The following NUMA1 variants were observed in gnomAD, a reference collection of about 807,000 sequenced individuals.
NUMA1 encodes nuclear mitotic apparatus protein 1, also known as SP-H antigen.
A neutral mutation model predicts 237.1 loss-of-function variants in NUMA1; 62 were observed. The ratio of observed to expected loss-of-function variants is 0.26; its 90% CI spans 0.21 to 0.32. The LOEUF is 0.32. NUMA1 is among the 10% of genes least tolerant of loss of function. The pLI is 1.00. For missense variants in NUMA1, 2,533 were observed against 2,666.5 expected, an observed-to-expected ratio of 0.95 and a Z score of 1.10; for synonymous variants, 1,028 against 1,066.1, an observed-to-expected ratio of 0.96 and a Z score of 0.70.
chr11:72,066,543 G>C (rs1273598373), intron 2 of NUMA1: 1 of 152,116 alleles, frequency 6.6e-6, no homozygotes. Context: ...CATTTTCCAA[G>C]CTGTGTGCCT....
Position 72,009,060 on chromosome 11 carries a change from C to G in NUMA1, c.4965G>C (p.Leu1655=), listed in dbSNP as rs1461946810. The change falls in exon 19 of 27, where the codon CTG becomes CTC. Residue 1655 remains leucine, a synonymous_variant. Coordinates refer to ENST00000393695, the MANE Select transcript of NUMA1 (RefSeq NM_006185.4). The stretch of plus-strand genomic sequence containing the variant: ...GCCCAGCCTGCTGTAGCTCATGGCC[C>G]AGCCGTTCAGCTTCAGCTCGCAGCT... ...NKELRAEAER[L]GHELQQAGLK... 6.2e-7 allele frequency: 1 copy of G among 1,613,792 alleles called. No individual in the cohort carries two copies. Among genetic ancestry groups the G allele is most frequent in the Non-Finnish European group, 8.5e-7 (1 of 1,180,036 alleles).
At chr11:72,058,304 T>C (rs1428058845) in intron 2 of NUMA1, among the ~76,000 whole-genome samples, 1 of 152,170 alleles carries the variant, frequency 6.6e-6, no homozygotes, top group Admixed American at 6.6e-5. Context: ...TACAAATATA[T>C]TGGAAAGGGT....
chr11:72,014,905 C>G lies in NUMA1; in HGVS notation c.2598G>C (p.Gln866His). 5 of 1,614,230 alleles carry G rather than the reference C, an allele frequency of 3.1e-6. No individual in the cohort carries two copies. Among genetic ancestry groups the G allele is most frequent in the Non-Finnish European group, 4.2e-6 (5 of 1,180,050 alleles). The change falls in exon 15 of 27, where the codon CAG becomes CAC. Residue 866 changes from glutamine to histidine, a missense_variant. By Grantham distance (24) the Gln-to-His change is conservative. This residue lies in a region of NUMA1 where 1,414 missense variants were observed against 1,508.1 expected (regional missense o/e 0.94). Transcript: ENST00000393695. The surrounding 1 kb of genome is among the most constrained non-coding windows in gnomAD (Gnocchi z 4.6). The stretch of plus-strand genomic sequence containing the variant: ...CTAGTTCGTTCTGCTGCCGGCTTAT[C>G]TGGAGCTCGCTGTGGGATTCTATGC... ...VAGIESHSEL[Q>H]ISRQQNELAE...
At chr11:72,023,585 T>A (rs1224498925) in intron 5 of NUMA1, among the ~76,000 whole-genome samples, 1 of 152,158 alleles carries the variant, frequency 6.6e-6, no homozygotes, top group Non-Finnish European at 1.5e-5. Flanking sequence ...CTCAAATTAC[T>A]AACACCTTAC....
chr11:72,076,598 C>T (rs1236667604), intron 1 of NUMA1: 3 of 152,028 alleles, frequency 2.0e-5, no homozygotes, highest in Non-Finnish European at 2.9e-5. Context: ...TCAGCCTGAC[C>T]AACATGGTGA....
intron 2 of NUMA1, among the ~76,000 whole-genome samples, chr11:72,062,368 C>T (rs1942987990): frequency 6.6e-6 from 1 of 151,946 alleles, no homozygotes; most frequent in African/African-American, 2.4e-5. Flanking sequence ...ATACTCTCCA[C>T]GAAATTTAAC....
At chr11:72,034,332 A>G (rs376717976) in intron 3 of NUMA1, among the ~76,000 whole-genome samples, 1 of 152,072 alleles carries the variant, frequency 6.6e-6, no homozygotes, top group East Asian at 1.9e-4. Flanking sequence ...TTACCCCATG[A>G]GATATTTTAT....
At chr11:72,072,330 C>T (rs771271088) in intron 1 of NUMA1, 2 of 154,684 alleles carry the variant, frequency 1.3e-5, no homozygotes, top group Non-Finnish European at 2.9e-5. Flanking sequence ...ATCTGCAAAA[C>T]AAGTGTCTCT....
chr11:72,072,885 AC>A (rs1261742420), intron 1 of NUMA1, among the ~76,000 whole-genome samples: 1 of 151,760 alleles, frequency 6.6e-6, no homozygotes, highest in African/African-American at 2.4e-5. Context: ...TACTAAAGAT[AC>A]AAAAAATTAG....
At position 72,016,020 on chromosome 11, in the gene NUMA1, G is replaced by T. The variant is rs746196417; in HGVS notation, c.1483C>A (p.Arg495=). The T allele has an allele frequency of 1.9e-6, 3 of 1,614,090 alleles. No individual in the cohort carries two copies. In the Admixed American group the frequency reaches 5.0e-5, roughly 27 times the overall value. ...AGAGAGGCCACCTGGGCAGTCAACC[G>T]GGCCCCATGAGCCTGGGAGGCCTGC... The part of the protein sequence containing the change: ...LEQASQAHGA[R]LTAQVASLTS... Residue 495 remains arginine (R), a synonymous_variant, in exon 15 of 27, where the codon CGG becomes AGG. Coordinates refer to ENST00000393695, the MANE Select transcript of NUMA1 (RefSeq NM_006185.4).
At chr11:72,055,424 C>A (rs531989239) in intron 2 of NUMA1, among the ~76,000 whole-genome samples, 2 of 152,220 alleles carry the variant, frequency 1.3e-5, no homozygotes, top group Non-Finnish European at 2.9e-5. Flanking sequence ...GGCTCCTAAT[C>A]TGGGGCTCTT....
At chr11:72,046,631 AAG>A (rs1942015129) in intron 2 of NUMA1, among the ~76,000 whole-genome samples, 1 of 151,696 alleles carries the variant, frequency 6.6e-6, no homozygotes, top group South Asian at 2.1e-4. Flanking sequence ...AAGGAAGGAA[AAG>A]AGAGAAGAAA....
rs193091601 is a variant in NUMA1 at position 72,008,437 on chromosome 11, C to T, written c.5216+251G>A. ...CAGCCTCTGTTCACACTGCTCTTCT[C>T]GTCAACCTGGCACACACACCTATGG... On this transcript the variant is annotated intron_variant, in intron 20 of 26. Transcript: ENST00000393695. 34 of 509,116 alleles carry T rather than the reference C, an allele frequency of 6.7e-5. No individual in the cohort carries two copies. The East Asian group carries it at 1.1e-3, about 17-fold the overall frequency. The allele number at this position is 509,116 out of a possible 1,614,324, so 31.5% of individuals were successfully genotyped here. A position where few individuals can be genotyped will look rare whatever the true frequency, so the allele number is the denominator to read the frequency against.
chr11:72,026,359 T>C (rs1009257659), intron 4 of NUMA1, among the ~76,000 whole-genome samples: 1 of 152,218 alleles, frequency 6.6e-6, no homozygotes, highest in African/African-American at 2.4e-5. Flanking sequence ...TCAATACATA[T>C]GGGCTGACTG....
chr11:72,019,364 G>T, intron 9 of NUMA1, 130 bp downstream of exon 9: 1 of 1,229,392 alleles, frequency 8.1e-7, no homozygotes, highest in Non-Finnish European at 1.1e-6. Flanking sequence ...GTGAGGTGAG[G>T]AGATCCCAGA....
Position 72,002,864 on chromosome 11 carries a change from TCA to T in NUMA1, c.*661_*662del. The T allele has an allele frequency of 4.7e-6, 1 of 213,762 alleles. No individual in the cohort carries two copies. Among genetic ancestry groups the T allele is most frequent in the Non-Finnish European group, 9.5e-6 (1 of 105,504 alleles). The allele number at this position is 213,762 out of a possible 1,614,324, so 13.2% of individuals were successfully genotyped here. The stretch of plus-strand genomic sequence containing the variant: ...CACACCGATCAAGTCAACTCAGTAC[TCA>T]CGGGAGAAAAATAGACTTTATTTAC... On this transcript the variant is annotated 3_prime_UTR_variant, in exon 27 of 27. Transcript: ENST00000393695.
At chr11:72,043,357 CTTTTTTTTTT>C (rs35559801) in intron 2 of NUMA1, among the ~76,000 whole-genome samples, 1 of 105,656 alleles carries the variant, frequency 9.5e-6, no homozygotes. Context: ...AGGCGGAGTT[CTTTTTTTTTT>C]TTTTTTTTTT....
At chr11:72,003,854 G>T in intron 26 of NUMA1, 33 bp downstream of exon 26, 2 of 1,607,534 alleles carry the variant, frequency 1.2e-6, no homozygotes, top group South Asian at 2.2e-5. Flanking sequence ...GCTCTCATCG[G>T]GTTTCCCTCC....
rs150950099 is a variant in NUMA1, at chr11:72,013,984, C to T, written c.3519G>A (p.Glu1173=). The change falls in exon 15 of 27, where the codon GAG becomes GAA. Residue 1173 remains glutamate, a synonymous_variant. Transcript: ENST00000393695. The surrounding 1 kb of genome is among the most constrained non-coding windows in gnomAD (Gnocchi z 6.8). The part of the protein sequence containing the change: ...ALETLQGQLE[E]KAQELGHSQS... ...GACTGTGCCCTAGCTCCTGGGCCTT[C>T]TCCTCTAACTGGCCCTGCAGAGTCT... 6.0e-5 allele frequency: 97 copies of T among 1,613,050 alleles called. No homozygotes were observed. The East Asian group carries it at 2.1e-3, about 34-fold the overall frequency.
Sources: allele counts gnomAD v4.1 joint callset (sites outside exome capture counted in the v4.1 genomes callset), GRCh38; gene constraint gnomAD v4.1.1; regional missense constraint gnomAD v4.1.1; non-coding constraint Gnocchi (gnomAD v3.1); transcripts MANE v1.5; gene names NCBI Gene and HGNC (gene_info 2026-07-23, HGNC 2026-07-21).